KIAA1549: variants seen among roughly 807,000 people sequenced by gnomAD.
KIAA1549 encodes the protein UPF0606 protein KIAA1549.
A neutral mutation model predicts 156.4 loss-of-function variants in KIAA1549; 70 were observed. The ratio of observed to expected loss-of-function variants is 0.45; its 90% confidence interval spans 0.37 to 0.55. KIAA1549 has a LOEUF of 0.55. Ranked by LOEUF, KIAA1549 falls within the 20% of genes least tolerant of loss-of-function variation. KIAA1549 has a pLI of 0.00. For synonymous variants in KIAA1549, 1,103 were observed against 1,066.4 expected (o/e 1.03, Z -0.67); for missense variants, 2,428 against 2,540.9 (o/e 0.96, Z 0.96).
intron 1 of KIAA1549, among the ~76,000 whole-genome samples, chr7:138,954,190 G>A (rs1167273682): frequency 6.6e-6 from 1 of 152,288 alleles, no homozygotes; most frequent in East Asian, 1.9e-4. Flanking sequence ...ATGAAGCAGA[G>A]CGCATTCGTG....
chr7:138,930,724 T>C (rs964858380), intron 1 of KIAA1549, among the ~76,000 whole-genome samples: 2 of 152,250 alleles, frequency 1.3e-5, no homozygotes, highest in African/African-American at 4.8e-5. Flanking sequence ...TGATTTAATC[T>C]ATCCAGACCA....
chr7:138,848,911 T>A (rs1435438829), intron 17 of KIAA1549, among the ~76,000 whole-genome samples: 2 of 152,096 alleles, frequency 1.3e-5, no homozygotes, highest in Non-Finnish European at 2.9e-5. Flanking sequence ...AGAAAAAAAA[T>A]TTTTTGAGAC....
chr7:138,917,601 A>G lies in KIAA1549; in HGVS notation c.2025T>C (p.Ser675=). The G allele has an allele frequency of 6.2e-7, 1 of 1,613,964 alleles. No homozygotes were observed. Among genetic ancestry groups the G allele is most frequent in the Non-Finnish European group, 8.5e-7 (1 of 1,179,886 alleles). The change falls in exon 2 of 20, where the codon TCT becomes TCC. Residue 675 remains serine, a synonymous_variant. Transcript: ENST00000422774. ...ACAGCTGAGATGACTGCAGATCACT[A>G]GAGTCAAACAATGTAAATGTCTCAA... ...PLVETFTLFD[S]SDLQSSQLSL... is the part of the protein sequence containing the mutation.
chr7:138,844,450 C>G lies in KIAA1549; in HGVS notation c.5319G>C (p.Leu1773=). ...LPRPGFGPGL[L]QSTELVPPDP... is the part of the protein sequence containing the mutation. ...CAGGGGGCACCAGCTCTGTAGACTG[C>G]AGCAAACCGGGGCCAAAACCTGGTC... Residue 1773 remains leucine, a synonymous_variant, in exon 18 of 20, where the codon CTG becomes CTC. Transcript: ENST00000422774. 6.5e-7 allele frequency: 1 copy of G among 1,542,542 alleles called. No homozygotes were observed. Among genetic ancestry groups the G allele is most frequent in the Non-Finnish European group, 8.7e-7 (1 of 1,147,956 alleles).
intron 12 of KIAA1549, among the ~76,000 whole-genome samples, chr7:138,872,017 C>T (rs1810951210): frequency 6.6e-6 from 1 of 152,054 alleles, no homozygotes; most frequent in South Asian, 2.1e-4. Context: ...GAGACGGAGT[C>T]TCACTCTCTC....
At chr7:138,881,253 G>A (rs879099102) in intron 11 of KIAA1549, 135 bp downstream of exon 11, 4 of 800,376 alleles carry the variant, frequency 5.0e-6, no homozygotes, top group Non-Finnish European at 5.8e-6. Flanking sequence ...GTGTGACTTT[G>A]GGCAAGTCAT....
intron 10 of KIAA1549, among the ~76,000 whole-genome samples, chr7:138,882,810 G>A (rs932526872): frequency 2.0e-5 from 3 of 151,884 alleles, no homozygotes; most frequent in African/African-American, 4.8e-5. Context: ...CTTCAAAAAC[G>A]TGCCCCACTC....
intron 17 of KIAA1549, among the ~76,000 whole-genome samples, chr7:138,847,932 A>AT (rs34478033): frequency 0.72 from 109,193 of 152,118 alleles, 39,480 homozygotes; most frequent in East Asian, 0.92. Flanking sequence ...GGTGTTTTAT[A>AT]TTCTAAGTGT....
At chr7:138,902,912 T>C (rs979597951) in intron 8 of KIAA1549, among the ~76,000 whole-genome samples, 3 of 152,260 alleles carry the variant, frequency 2.0e-5, no homozygotes, top group South Asian at 2.1e-4. Context: ...GAAAAAAGAA[T>C]GGAAGGAAAT....
intron 9 of KIAA1549, among the ~76,000 whole-genome samples, chr7:138,896,730 G>C (rs1047267326): frequency 1.3e-5 from 2 of 151,868 alleles, no homozygotes; most frequent in Non-Finnish European, 2.9e-5. Flanking sequence ...CAAGTAACTG[G>C]GACCACAGGC....
intron 12 of KIAA1549, among the ~76,000 whole-genome samples, chr7:138,877,709 C>T (rs1470893640): frequency 2.6e-5 from 4 of 152,140 alleles, no homozygotes; most frequent in South Asian, 4.1e-4. Context: ...AAATAATGTA[C>T]AGATTCTGCT....
intron 2 of KIAA1549, among the ~76,000 whole-genome samples, chr7:138,914,159 A>G (rs1812248665): frequency 6.6e-6 from 1 of 152,140 alleles, no homozygotes; most frequent in African/African-American, 2.4e-5. Flanking sequence ...GCAGCCCCAC[A>G]CAGCTAAAGA....
At chr7:138,894,560 C>A in intron 9 of KIAA1549, 34 bp from the exon 10 acceptor site, 1 of 1,606,862 alleles carries the variant, frequency 6.2e-7, no homozygotes, top group Non-Finnish European at 8.5e-7. Context: ...TTCAATAATT[C>A]CTTCTTCACT....
intron 1 of KIAA1549, among the ~76,000 whole-genome samples, chr7:138,972,353 C>G (rs964985616): frequency 6.7e-6 from 1 of 149,980 alleles, no homozygotes; most frequent in Non-Finnish European, 1.5e-5. Context: ...AATGACACCC[C>G]AATCCCTCCC....
chr7:138,858,759 G>T (rs185080261), intron 16 of KIAA1549, among the ~76,000 whole-genome samples: 1 of 152,096 alleles, frequency 6.6e-6, no homozygotes, highest in South Asian at 2.1e-4. Context: ...AGAAACTCCA[G>T]CACTTTGGGA....
chr7:138,933,255 C>T, intron 1 of KIAA1549, among the ~76,000 whole-genome samples: 1 of 152,202 alleles, frequency 6.6e-6, no homozygotes, highest in East Asian at 1.9e-4. Flanking sequence ...AGAGAAGAAT[C>T]ACCGAGGAGC....
At chr7:138,902,558 G>C (rs150733494) in intron 8 of KIAA1549, among the ~76,000 whole-genome samples, 2 of 152,326 alleles carry the variant, frequency 1.3e-5, no homozygotes, top group African/African-American at 4.8e-5. Context: ...CTGTGAGTAT[G>C]GGCATTTTTA....
chr7:138,862,509 A>C (rs1487759329), intron 15 of KIAA1549, among the ~76,000 whole-genome samples: 1 of 151,512 alleles, frequency 6.6e-6, no homozygotes, highest in Non-Finnish European at 1.5e-5. Context: ...CTCTTAAAAA[A>C]AAAAAAAAGA....
chr7:138,907,112 T>C lies in KIAA1549; in HGVS notation c.3277-10A>G. The C allele has an allele frequency of 1.3e-6, 2 of 1,565,394 alleles. No individual in the cohort carries two copies. Among genetic ancestry groups the C allele is most frequent in the Middle Eastern group, 1.7e-4 (1 of 5,838 alleles). On this transcript the variant is annotated splice_polypyrimidine_tract_variant and intron_variant, in intron 5 of 19. Transcript: ENST00000422774. ...TGGTGATATTCAAGATCTGAAAGAATAAAGTCAGAATAAGCTTCTATAATA... is the reference window on the plus strand; with the variant it reads ...TGGTGATATTCAAGATCTGAAAGAACAAAGTCAGAATAAGCTTCTATAATA...
Sources: allele counts gnomAD v4.1 joint callset (sites outside exome capture counted in the v4.1 genomes callset), GRCh38; gene constraint gnomAD v4.1.1; transcripts MANE v1.5; gene names NCBI Gene and HGNC (gene_info 2026-07-23, HGNC 2026-07-21).